CTIF: variants seen among roughly 807,000 people sequenced by gnomAD.
CTIF encodes the protein CBP80/20-dependent translation initiation factor.
A neutral mutation model predicts 66.0 loss-of-function variants in CTIF; 21 were observed. The observed-to-expected ratio is 0.32, with a 90% CI of 0.23 to 0.46. CTIF has a LOEUF of 0.46. Among genes scored for constraint, CTIF ranks in the 20% least tolerant of loss-of-function variants. The pLI, the probability that CTIF is intolerant of heterozygous loss-of-function variation, is 1.00. For synonymous variants in CTIF, 345 were observed against 326.4 expected (o/e 1.06, Z -0.62); for missense variants, 739 against 812.7 (o/e 0.91, Z 1.10).
Position 48,624,476 on chromosome 18 carries a change from A to G in CTIF, c.180+4731A>G, listed in dbSNP as rs375191032. Among the ~76,000 whole-genome samples the G allele has an allele frequency of 1.4e-4, 21 of 152,286 alleles. No homozygotes were observed. The East Asian group carries it at 1.7e-3, about 13-fold the overall frequency. On this transcript the variant is annotated intron_variant, in intron 2 of 11. Transcript: ENST00000256413. The stretch of plus-strand genomic sequence containing the variant: ...TATAGAAAGAAAATTAGGTCTCCAA[A>G]TCTCATTGACCACTAATCTTTTGGG...
intron 1 of CTIF, among the ~76,000 whole-genome samples, chr18:48,611,713 T>C (rs2090311015): frequency 6.6e-6 from 1 of 152,210 alleles, no homozygotes; most frequent in Non-Finnish European, 1.5e-5. Flanking sequence ...TCGGAAGCAG[T>C]GCTCCCGGCC....
At chr18:48,635,788 GT>G (rs1478274484) in intron 2 of CTIF, among the ~76,000 whole-genome samples, 2 of 152,214 alleles carry the variant, frequency 1.3e-5, no homozygotes, top group Non-Finnish European at 2.9e-5. Flanking sequence ...TATCTATACA[GT>G]GTTTTTATAG....
chr18:48,641,654 A>G (rs1482745772), intron 3 of CTIF, among the ~76,000 whole-genome samples: 2 of 152,248 alleles, frequency 1.3e-5, no homozygotes, highest in African/African-American at 4.8e-5. Flanking sequence ...ATGTTGACCC[A>G]GGAGTGACAC....
At chr18:48,752,948 TG>T (rs1380073623) in intron 7 of CTIF, among the ~76,000 whole-genome samples, 1 of 152,160 alleles carries the variant, frequency 6.6e-6, no homozygotes, top group African/African-American at 2.4e-5. Flanking sequence ...TTCTGCAAAC[TG>T]GGGTGGGTGT....
At chr18:48,560,326 C>T (rs778088965) in intron 1 of CTIF, among the ~76,000 whole-genome samples, 7 of 150,730 alleles carry the variant, frequency 4.6e-5, no homozygotes, top group Middle Eastern at 3.4e-3. Context: ...CCCAGGTTCA[C>T]GCCATTCTCC....
intron 6 of CTIF, among the ~76,000 whole-genome samples, chr18:48,677,645 T>G (rs2091653699): frequency 6.6e-6 from 1 of 152,194 alleles, no homozygotes; most frequent in South Asian, 2.1e-4. Flanking sequence ...TAAGGGCTTG[T>G]GAACACTCCA....
chr18:48,857,476 T>C, intron 10 of CTIF, 112 bp from the exon 11 acceptor site: 1 of 867,068 alleles, frequency 1.2e-6, no homozygotes, highest in South Asian at 1.9e-5. Flanking sequence ...AGATGTTTGT[T>C]ACAGGCCGCA....
intron 9 of CTIF, among the ~76,000 whole-genome samples, chr18:48,773,481 C>G (rs1255996607): frequency 2.6e-5 from 4 of 152,240 alleles, no homozygotes; most frequent in African/African-American, 9.6e-5. Context: ...CCACCCCCAC[C>G]AGCCAGAGCC....
At chr18:48,793,844 G>T (rs2067848247) in intron 9 of CTIF, among the ~76,000 whole-genome samples, 1 of 152,168 alleles carries the variant, frequency 6.6e-6, no homozygotes, top group African/African-American at 2.4e-5. Flanking sequence ...AGGTTTTGGG[G>T]GAAAAGCCTG....
At chr18:48,740,091 C>T (rs372418665) in intron 7 of CTIF, among the ~76,000 whole-genome samples, 3 of 152,340 alleles carry the variant, frequency 2.0e-5, no homozygotes, top group African/African-American at 7.2e-5. Flanking sequence ...AGGCAGAGAG[C>T]AGTTCTGTAA....
intron 7 of CTIF, among the ~76,000 whole-genome samples, chr18:48,717,499 T>C (rs1040487710): frequency 2.6e-5 from 4 of 152,054 alleles, no homozygotes; most frequent in African/African-American, 9.7e-5. Context: ...ACCCAGACCC[T>C]AAGTGTCAGT....
chr18:48,845,928 C>G (rs2146582351), intron 10 of CTIF, among the ~76,000 whole-genome samples: 1 of 152,304 alleles, frequency 6.6e-6, no homozygotes, highest in South Asian at 2.1e-4. Context: ...TTAATTCAAG[C>G]CACCCCAATT....
chr18:48,860,397 G>A lies in CTIF; in HGVS notation c.*838G>A, dbSNP rs940302577. 31 of 161,094 alleles carry A rather than the reference G, an allele frequency of 1.9e-4. 1 individual carries two copies. Among genetic ancestry groups the A allele is most frequent in the South Asian group, 3.5e-4 (2 of 5,638 alleles). The allele number at this position is 161,094 out of a possible 1,614,324, so 10.0% of individuals were successfully genotyped here. ...CAGCTCCCCTCTAGAAGAAGGATTC[G>A]AGCCACAGACAGCTTGCCAGTAGCC... On this transcript the variant is annotated 3_prime_UTR_variant, in exon 12 of 12. Coordinates refer to ENST00000256413, the MANE Select transcript of CTIF (RefSeq NM_014772.3).
intron 10 of CTIF, among the ~76,000 whole-genome samples, chr18:48,846,557 G>T (rs1256038230): frequency 6.9e-6 from 1 of 144,056 alleles, no homozygotes; most frequent in Non-Finnish European, 1.5e-5. Context: ...ATAGACAGAT[G>T]AATGAAAGGA....
intron 6 of CTIF, among the ~76,000 whole-genome samples, chr18:48,700,670 C>T (rs986332149): frequency 6.6e-6 from 1 of 152,210 alleles, no homozygotes; most frequent in East Asian, 1.9e-4. Flanking sequence ...TGGGCCGTGC[C>T]TCTCTCACTC....
At chr18:48,722,890 C>T (rs1233179102) in intron 7 of CTIF, among the ~76,000 whole-genome samples, 2 of 152,210 alleles carry the variant, frequency 1.3e-5, no homozygotes, top group South Asian at 2.1e-4. Context: ...GGGTCTTTTT[C>T]GCTAGACTCC....
intron 2 of CTIF, among the ~76,000 whole-genome samples, chr18:48,631,975 C>A (rs1411924849): frequency 1.3e-5 from 2 of 152,140 alleles, no homozygotes; most frequent in African/African-American, 2.4e-5. Context: ...TAGATCAGGA[C>A]AGGTTCTGGG....
chr18:48,614,518 C>T (rs960716022), intron 1 of CTIF, among the ~76,000 whole-genome samples: 7 of 126,758 alleles, frequency 5.5e-5, no homozygotes, highest in South Asian at 2.7e-4. Flanking sequence ...TATTGTGATA[C>T]GATGTCTTAT....
intron 9 of CTIF, among the ~76,000 whole-genome samples, chr18:48,809,475 T>G (rs2068217672): frequency 6.6e-6 from 1 of 152,176 alleles, no homozygotes; most frequent in Non-Finnish European, 1.5e-5. Flanking sequence ...TTGTTAGTAT[T>G]TCACTTGGGA....
Sources: allele counts gnomAD v4.1 joint callset (sites outside exome capture counted in the v4.1 genomes callset), GRCh38; gene constraint gnomAD v4.1.1; transcripts MANE v1.5; gene names NCBI Gene and HGNC (gene_info 2026-07-23, HGNC 2026-07-21).